Variants in ANKRD35 observed in about 807,000 individuals in gnomAD.
The protein encoded by ANKRD35 is ankyrin repeat domain-containing protein 35.
In ANKRD35, 102 loss-of-function variants were observed where a neutral mutation model predicts 109.9. That is an observed-to-expected ratio of 0.93 (90% confidence interval 0.79 to 1.09). The LOEUF (loss-of-function observed/expected upper bound fraction) is 1.09, where lower values mean the gene tolerates loss of function less well. Ranked by LOEUF, ANKRD35 falls within the 50% of genes least tolerant of loss-of-function variation. The pLI, the probability that ANKRD35 is intolerant of heterozygous loss-of-function variation, is 0.00. For synonymous variants in ANKRD35, 515 were observed against 512.4 expected, an observed-to-expected ratio of 1.01 and a Z score of -0.07; for missense variants, 1,240 against 1,230.1, an observed-to-expected ratio of 1.01 and a Z score of -0.12.
intron 10 of ANKRD35, among the ~76,000 whole-genome samples, chr1:145,870,441 C>T (rs998700689): frequency 6.6e-6 from 1 of 152,068 alleles, no homozygotes. Context: ...ATCTTCACAA[C>T]CATTTTATTA....
chr1:145,878,677 A>G (rs1654179130), intron 2 of ANKRD35, among the ~76,000 whole-genome samples, 198 bp from the exon 3 acceptor site: 1 of 152,210 alleles, frequency 6.6e-6, no homozygotes, highest in East Asian at 1.9e-4. Context: ...AAAAGCAAGG[A>G]AGAAATAAGA....
chr1:145,875,168 G>A (rs1045749176), intron 7 of ANKRD35, among the ~76,000 whole-genome samples, 162 bp from the exon 8 acceptor site: 3 of 150,928 alleles, frequency 2.0e-5, no homozygotes, highest in African/African-American at 7.3e-5. Context: ...TTTTTGAGAC[G>A]GAGTTTCACT....
In ANKRD35 at chr1:145,876,845, G is replaced by T. The variant is rs1553740220; in HGVS notation, c.353C>A (p.Ala118Glu). 1 of 1,614,070 alleles carries T rather than the reference G, an allele frequency of 6.2e-7. No individual in the cohort carries two copies. Among genetic ancestry groups the T allele is most frequent in the Non-Finnish European group, 8.5e-7 (1 of 1,180,030 alleles). Reference protein sequence around the residue: ...QHGANEDAVDAENRSPLHWAA... With the variant: ...QHGANEDAVDEENRSPLHWAA... ...CCAGTGCAATGGACTACGGTTTTCTGCATCCACAGCATCTTCATTAGCACC... is the reference window on the plus strand; with the variant it reads ...CCAGTGCAATGGACTACGGTTTTCTTCATCCACAGCATCTTCATTAGCACC... Residue 118 changes from alanine to glutamate, a missense_variant, in exon 5 of 14, where the codon GCA becomes GAA. Transcript: ENST00000355594.
chr1:145,876,289 G>A, intron 6 of ANKRD35, 43 bp from the exon 7 acceptor site: 2 of 1,565,002 alleles, frequency 1.3e-6, no homozygotes, highest in Non-Finnish European at 1.8e-6. Context: ...GCCAGGGACT[G>A]CAGAGGCTTG....
chr1:145,876,150 T>C lies in ANKRD35; in HGVS notation c.550A>G (p.Lys184Glu), dbSNP rs149825433. Residue 184 changes from lysine (K) to glutamate (E), a missense_variant, in exon 7 of 14, where the codon AAG becomes GAG. Lys to Glu is a moderately conservative substitution (Grantham distance 56, BLOSUM62 1). Coordinates refer to ENST00000355594, the MANE Select transcript of ANKRD35 (RefSeq NM_144698.5). ...QRGARVNVTD[K>E]NDKSALILAC... is the part of the protein sequence containing the mutation. ...ACGAGGGGGGCTCACTTGTCATTCT[T>C]GTCTGTAACATTAACTCGGGCGCCT... 8.1e-6 allele frequency: 13 copies of C among 1,613,784 alleles called. No homozygotes were observed. Among genetic ancestry groups the C allele is most frequent in the African/African-American group, 1.3e-5 (1 of 74,914 alleles).
intron 10 of ANKRD35, 122 bp from the exon 11 acceptor site, chr1:145,868,522 T>A: frequency 1.3e-6 from 1 of 773,796 alleles, no homozygotes; most frequent in Non-Finnish European, 2.1e-6. Context: ...TTGTCTCATT[T>A]AACACTCAAA....
intron 3 of ANKRD35, 64 bp downstream of exon 3, chr1:145,878,327 G>T (rs759632421): frequency 1.4e-6 from 2 of 1,479,228 alleles, no homozygotes; most frequent in Non-Finnish European, 1.8e-6. Flanking sequence ...GCCCAGCACC[G>T]CCCCCGACTG....
chr1:145,876,105 A>G (rs968769573), intron 7 of ANKRD35, 35 bp downstream of exon 7: 14 of 1,594,432 alleles, frequency 8.8e-6, no homozygotes, highest in Non-Finnish European at 1.1e-5. Flanking sequence ...TTGGTCAGGC[A>G]TGGGAATTGG....
At chr1:145,875,795 G>A (rs1204937506) in intron 7 of ANKRD35, among the ~76,000 whole-genome samples, 4 of 151,068 alleles carry the variant, frequency 2.6e-5, no homozygotes, top group Admixed American at 2.0e-4. Flanking sequence ...TGATCCACCC[G>A]CCTTGGCCTC....
rs113348981 is a variant in ANKRD35 at position 145,873,218 on chromosome 1, G to C, written c.1551C>G (p.Val517=). The C allele has an allele frequency of 8.1e-6, 13 of 1,613,998 alleles. 1 individual carries two copies. Among genetic ancestry groups the C allele is most frequent in the African/African-American group, 8.0e-5 (6 of 74,918 alleles). The part of the protein sequence containing the change: ...DAARGALSRP[V]MEGALGTPRA... ...GGGGAGTCCCCAGGGCTCCCTCCAT[G>C]ACCGGTCTTGACAAAGCCCCCCGGG... is the stretch of plus-strand genomic sequence containing the variant. Residue 517 remains valine, a synonymous_variant, in exon 10 of 14, where the codon GTC becomes GTG. Coordinates refer to ENST00000355594, the MANE Select transcript of ANKRD35 (RefSeq NM_144698.5).
Position 145,872,096 on chromosome 1 carries a change from T to C in ANKRD35, c.2673A>G (p.Gln891=), listed in dbSNP as rs782180741. The C allele has an allele frequency of 5.6e-6, 9 of 1,613,262 alleles. No homozygotes were observed. The highest frequency in any genetic ancestry group is 7.6e-6 in the Non-Finnish European group (9 of 1,179,692). The part of the protein sequence containing the change: ...SGDLAAQAAE[Q]ERQASEMRGR... ...CCCGCATCTCGCTGGCCTGGCGCTC[T>C]TGTTCGGCTGCCTGAGCGGCCAGGT... The change falls in exon 10 of 14, where the codon CAA becomes CAG. Residue 891 remains glutamine, a synonymous_variant. Transcript: ENST00000355594.
chr1:145,885,790 G>A lies in ANKRD35; in HGVS notation c.-32C>T. The A allele has an allele frequency of 6.5e-7, 1 of 1,540,828 alleles. No homozygotes were observed. ...GGTCGGGGCCACGGGGGATGGGGACGCGCAGAGAGCCGGGCCACAGGTTCC... is the reference window on the plus strand; with the variant it reads ...GGTCGGGGCCACGGGGGATGGGGACACGCAGAGAGCCGGGCCACAGGTTCC... On this transcript the variant is annotated 5_prime_UTR_variant, in exon 1 of 14. Coordinates refer to ENST00000355594, the MANE Select transcript of ANKRD35 (RefSeq NM_144698.5).
chr1:145,873,787 C>T lies in ANKRD35; in HGVS notation c.982G>A (p.Ala328Thr), dbSNP rs782696701. ...TGGTTCTCAAGGTCCAGATAGGCTG[C>T]AGCTTGAGTCTTACACTCTTCTGTC... ...QKTEECKTQA[A>T]AYLDLENQIR... is the part of the protein sequence containing the mutation. Residue 328 changes from alanine to threonine, a missense_variant, in exon 10 of 14, where the codon GCA becomes ACA. By Grantham distance (58) the Ala-to-Thr change is moderately conservative. Coordinates refer to ENST00000355594, the MANE Select transcript of ANKRD35 (RefSeq NM_144698.5). 1.9e-6 allele frequency: 3 copies of T among 1,609,796 alleles called. No homozygotes were observed. Among genetic ancestry groups the T allele is most frequent in the Non-Finnish European group, 2.5e-6 (3 of 1,177,858 alleles).
rs781898731 is a variant in ANKRD35, at chr1:145,873,244, C to A, written c.1525G>T (p.Ala509Ser). 9 of 1,614,022 alleles carry A rather than the reference C, an allele frequency of 5.6e-6. No homozygotes were observed. Among genetic ancestry groups the A allele is most frequent in the Admixed American group, 3.3e-5 (2 of 60,004 alleles). ...LAAVWREKDA[A>S]RGALSRPVME... ...ACCGGTCTTGACAAAGCCCCCCGGG[C>A]AGCATCCTTTTCTCGCCACACTGCA... Residue 509 changes from alanine to serine, a missense_variant, in exon 10 of 14, where the codon GCC (alanine) becomes TCC (serine). Physicochemically the swap from Ala to Ser is moderately conservative, Grantham distance 99 (BLOSUM62 1). Transcript: ENST00000355594.
intron 11 of ANKRD35, 110 bp from the exon 12 acceptor site, chr1:145,868,166 C>A: frequency 7.0e-7 from 1 of 1,431,402 alleles, no homozygotes; most frequent in South Asian, 1.2e-5. Flanking sequence ...TGGCCCATCA[C>A]TGGCCCATCC....
rs139177747 is a variant in ANKRD35 at position 145,873,259 on chromosome 1, G to A, written c.1510C>T (p.Arg504Ter). The A allele has an allele frequency of 8.6e-4, 1,380 of 1,614,024 alleles. 19 individuals carry two copies. In the East Asian group the frequency reaches 0.023, roughly 26 times the overall value. The change falls in exon 10 of 14, where the codon CGA becomes TGA. Residue 504 changes from arginine (R) to a stop codon, truncating the protein, a stop_gained. Coordinates refer to ENST00000355594, the MANE Select transcript of ANKRD35 (RefSeq NM_144698.5). LOFTEE classifies it high-confidence loss of function. The stretch of plus-strand genomic sequence containing the variant: ...GCCCCCCGGGCAGCATCCTTTTCTC[G>A]CCACACTGCAGCAAGCTCCTCCCTT... ...QLREELAAVW[R>*]EKDAARGALS...
chr1:145,882,075 C>T lies in ANKRD35; in HGVS notation c.40-2687G>A, dbSNP rs587672396. On this transcript the variant is annotated intron_variant, in intron 1 of 13. Transcript: ENST00000355594. ...GTTCACGCCATTCTCCTGCCTCAGC[C>T]TCCCGAGTAGCTGGGACTACAGGCG... Among the ~76,000 whole-genome samples, 10 of 150,080 alleles carry T rather than the reference C, an allele frequency of 6.7e-5. No homozygotes were observed. In the South Asian group the frequency reaches 1.1e-3, roughly 16 times the overall value.
chr1:145,880,637 T>C (rs1352745738), intron 1 of ANKRD35, among the ~76,000 whole-genome samples: 2 of 152,150 alleles, frequency 1.3e-5, no homozygotes, highest in Non-Finnish European at 2.9e-5. Context: ...TTTTATAAGG[T>C]ATAATCTCAA....
chr1:145,876,519 C>A, intron 6 of ANKRD35, 50 bp downstream of exon 6: 1 of 1,607,590 alleles, frequency 6.2e-7, no homozygotes, highest in Non-Finnish European at 8.5e-7. Context: ...TGAGAGACAG[C>A]AGCAGCCCTT....
Sources: allele counts gnomAD v4.1 joint callset (sites outside exome capture counted in the v4.1 genomes callset), GRCh38; gene constraint gnomAD v4.1.1; transcripts MANE v1.5; gene names NCBI Gene and HGNC (gene_info 2026-07-23, HGNC 2026-07-21).